Variants in RHAG observed in about 807,000 individuals in gnomAD.
The protein encoded by RHAG is Rh associated glycoprotein, also known as ammonium transporter Rh type A.
RHAG carries 25 observed loss-of-function variants against 42.4 expected under a neutral mutation model. That is an observed-to-expected ratio of 0.59 (90% CI 0.43 to 0.82). The LOEUF is 0.82. Ranked by LOEUF, RHAG falls within the 40% of genes least tolerant of loss-of-function variation. The probability of loss-of-function intolerance (pLI) is 0.00; values close to 1 mark genes in which losing one functional copy is unlikely to be tolerated. For missense variants in RHAG, 483 were observed against 504.6 expected (o/e 0.96, Z 0.41); for synonymous variants, 182 against 177.7 (o/e 1.02, Z -0.19).
chr6:49,615,912 G>A, intron 3 of RHAG, 141 bp from the exon 4 acceptor site: 1 of 845,176 alleles, frequency 1.2e-6, no homozygotes, highest in Middle Eastern at 2.6e-4. Context: ...TCAGAGAAAG[G>A]GGGGTAAAAC....
intron 1 of RHAG, among the ~76,000 whole-genome samples, chr6:49,632,766 C>A (rs1762953150): frequency 6.6e-6 from 1 of 152,088 alleles, no homozygotes; most frequent in Non-Finnish European, 1.5e-5. Flanking sequence ...TCTGTGGAAT[C>A]TCTAATAAAA....
intron 4 of RHAG, 25 bp downstream of exon 4, chr6:49,615,599 T>G: frequency 6.2e-7 from 1 of 1,613,566 alleles, no homozygotes; most frequent in Non-Finnish European, 8.5e-7. Flanking sequence ...ATAGATAAGA[T>G]TCAAGCAAGT....
At chr6:49,610,559 T>C (rs1370244736) in intron 7 of RHAG, among the ~76,000 whole-genome samples, 1 of 152,176 alleles carries the variant, frequency 6.6e-6, no homozygotes, top group Non-Finnish European at 1.5e-5. Context: ...GTCACATAAC[T>C]AGTTAGTAGC....
chr6:49,627,634 T>C (rs1762862344), intron 1 of RHAG, among the ~76,000 whole-genome samples: 1 of 152,208 alleles, frequency 6.6e-6, no homozygotes, highest in Non-Finnish European at 1.5e-5. Context: ...AATGAAAACA[T>C]ACCTGAGACT....
At chr6:49,606,778 G>A (rs1209428700) in intron 9 of RHAG, 70 bp downstream of exon 9, 3 of 1,049,960 alleles carry the variant, frequency 2.9e-6, no homozygotes, top group Admixed American at 1.7e-5. Flanking sequence ...AGATATCTAG[G>A]CTTGAAGTGT....
intron 4 of RHAG, 106 bp downstream of exon 4, chr6:49,615,518 G>A (rs572007976): frequency 2.3e-6 from 3 of 1,288,428 alleles, no homozygotes; most frequent in East Asian, 2.3e-5. Flanking sequence ...TCACTACCAT[G>A]CCTGGCTTGG....
intron 3 of RHAG, 127 bp from the exon 4 acceptor site, chr6:49,615,898 T>C (rs538172562): frequency 4.3e-6 from 4 of 937,292 alleles, no homozygotes; most frequent in Non-Finnish European, 6.7e-6. Context: ...ACAGAAAGAT[T>C]GTGTCAGAGA....
At chr6:49,618,045 A>T (rs1486619076) in intron 3 of RHAG, 23 bp downstream of exon 3, 18 of 1,610,312 alleles carry the variant, frequency 1.1e-5, no homozygotes, top group Non-Finnish European at 1.4e-5. Context: ...AAGCTAGGAA[A>T]GTATAAATTT....
chr6:49,632,829 T>G (rs9463528), intron 1 of RHAG, among the ~76,000 whole-genome samples: 32,995 of 152,060 alleles, frequency 0.22, 3,810 homozygotes, highest in African/African-American at 0.29. Context: ...CTCTAGTCCG[T>G]CTACATGTTA....
intron 1 of RHAG, among the ~76,000 whole-genome samples, chr6:49,635,980 G>T (rs913991448): frequency 1.3e-5 from 2 of 152,006 alleles, no homozygotes; most frequent in Admixed American, 6.6e-5. Context: ...CGCAGTAAAT[G>T]GTAGTTATTG....
chr6:49,636,791 T>C lies in RHAG; in HGVS notation c.22A>G (p.Met8Val), dbSNP rs1434904710. 6.2e-7 allele frequency: 1 copy of C among 1,613,724 alleles called. No individual in the cohort carries two copies. Among genetic ancestry groups the C allele is most frequent in the Non-Finnish European group, 8.5e-7 (1 of 1,179,760 alleles). MRFTFPLMAIVLEIAMIV... is the reference protein window; with the variant it reads MRFTFPLVAIVLEIAMIV... ...ATGGCAATTTCCAGGACTATAGCCATGAGAGGGAATGTGAACCTCATGTTT... is the reference window on the plus strand; with the variant it reads ...ATGGCAATTTCCAGGACTATAGCCACGAGAGGGAATGTGAACCTCATGTTT... The change falls in exon 1 of 10, where the codon ATG becomes GTG. Residue 8 changes from methionine to valine, a missense_variant. Met to Val is a conservative substitution (Grantham distance 21). Coordinates refer to ENST00000371175, the MANE Select transcript of RHAG (RefSeq NM_000324.3).
chr6:49,628,161 C>G (rs6910979), intron 1 of RHAG, among the ~76,000 whole-genome samples: 29,658 of 139,792 alleles, frequency 0.21, 3,143 homozygotes, highest in African/African-American at 0.29. Context: ...CACACACACA[C>G]AGAGAGAGAG....
intron 1 of RHAG, among the ~76,000 whole-genome samples, chr6:49,626,145 A>G (rs1304811893): frequency 3.9e-5 from 6 of 152,152 alleles, no homozygotes; most frequent in Admixed American, 6.5e-5. Flanking sequence ...TGCATTTCAA[A>G]ACCAATCATG....
At chr6:49,622,826 CA>C (rs1348256000) in intron 1 of RHAG, among the ~76,000 whole-genome samples, 2 of 147,230 alleles carry the variant, frequency 1.4e-5, no homozygotes, top group Non-Finnish European at 3.0e-5. Flanking sequence ...GATGGAAAAC[CA>C]GACTTTTTTT....
At chr6:49,617,889 A>G (rs1442004752) in intron 3 of RHAG, among the ~76,000 whole-genome samples, 179 bp downstream of exon 3, 1 of 152,188 alleles carries the variant, frequency 6.6e-6, no homozygotes, top group Non-Finnish European at 1.5e-5. Flanking sequence ...ATGAAATAAG[A>G]TAATGTTTAC....
chr6:49,609,790 A>G (rs189379487), intron 7 of RHAG, among the ~76,000 whole-genome samples: 1 of 152,266 alleles, frequency 6.6e-6, no homozygotes, highest in African/African-American at 2.4e-5. Flanking sequence ...TAAATTATGC[A>G]CCTCTAGTTA....
At chr6:49,614,095 C>T (rs1465659604) in intron 5 of RHAG, among the ~76,000 whole-genome samples, 2 of 152,144 alleles carry the variant, frequency 1.3e-5, no homozygotes, top group East Asian at 3.9e-4. Context: ...AAATATACCT[C>T]AAATCAAAGA....
At chr6:49,628,159 CACAGAGAG>C (rs1562019203) in intron 1 of RHAG, among the ~76,000 whole-genome samples, 2 of 123,788 alleles carry the variant, frequency 1.6e-5, no homozygotes, top group Non-Finnish European at 1.7e-5. Flanking sequence ...CACACACACA[CACAGAGAG>C]AGAGAGAGAG....
chr6:49,611,037 C>G lies in RHAG; in HGVS notation c.1054G>C (p.Gly352Arg). The G allele has an allele frequency of 6.2e-7, 1 of 1,613,796 alleles. No individual in the cohort carries two copies. The highest frequency in any genetic ancestry group is 8.5e-7 in the Non-Finnish European group (1 of 1,179,818). ...GLAGIVAVAM[G>R]ASNTSMAMQA... ...TCTTTTACTCACGTGTTGGAGGCGC[C>G]CATTGCTACTGCCACAATGCCTGCA... is the stretch of plus-strand genomic sequence containing the variant. The change falls in exon 7 of 10, where the codon GGC becomes CGC. Residue 352 changes from glycine (G) to arginine (R), a missense_variant. Coordinates refer to ENST00000371175, the MANE Select transcript of RHAG (RefSeq NM_000324.3).
Sources: allele counts gnomAD v4.1 joint callset (sites outside exome capture counted in the v4.1 genomes callset), GRCh38; gene constraint gnomAD v4.1.1; transcripts MANE v1.5; gene names NCBI Gene and HGNC (gene_info 2026-07-23, HGNC 2026-07-21).